GRM3: variants seen among roughly 807,000 people sequenced by gnomAD.
The protein encoded by GRM3 is glutamate metabotropic receptor 3.
GRM3 carries 26 observed loss-of-function variants against 70.5 expected under a neutral mutation model. The observed-to-expected ratio is 0.37, with a 90% CI of 0.27 to 0.51. The LOEUF is 0.51. Among genes scored for constraint, GRM3 ranks in the 20% least tolerant of loss-of-function variants. The probability of loss-of-function intolerance (pLI) is 0.93; values close to 1 mark genes in which losing one functional copy is unlikely to be tolerated. For synonymous variants in GRM3, 443 were observed against 434.9 expected (o/e 1.02, Z -0.23); for missense variants, 859 against 1,123.8 (o/e 0.76, Z 3.37).
chr7:86,686,200 CAT>C (rs1794563322), intron 1 of GRM3, among the ~76,000 whole-genome samples: 1 of 152,142 alleles, frequency 6.6e-6, no homozygotes, highest in Non-Finnish European at 1.5e-5. Context: ...TAAAGGAAGA[CAT>C]ATGCTTTCAG....
rs142461100 is a variant in GRM3, at chr7:86,834,509, A to G, written c.1325-4330A>G. Among the ~76,000 whole-genome samples, 295 of 151,756 alleles carry G rather than the reference A, an allele frequency of 1.9e-3. 4 individuals carry two copies. The East Asian group carries it at 0.042, about 21-fold the overall frequency. ...ATCTTGTGCCTACCTCATGGATGCA[A>G]TATCTTCACTTATCTCTCTTGAGCA... On this transcript the variant is annotated intron_variant, in intron 3 of 5. Transcript: ENST00000361669.
At chr7:86,802,691 C>G (rs1010102388) in intron 3 of GRM3, among the ~76,000 whole-genome samples, 1 of 151,696 alleles carries the variant, frequency 6.6e-6, no homozygotes, top group African/African-American at 2.4e-5. Flanking sequence ...TTCTCTCACT[C>G]TAATTACAAA....
intron 1 of GRM3, among the ~76,000 whole-genome samples, chr7:86,677,803 C>G (rs375598387): frequency 1.2e-4 from 18 of 151,684 alleles, no homozygotes; most frequent in Admixed American, 7.3e-4. Context: ...GAATGGGAAA[C>G]TAAGATTAAA....
At chr7:86,819,222 G>A (rs1284476352) in intron 3 of GRM3, among the ~76,000 whole-genome samples, 2 of 151,992 alleles carry the variant, frequency 1.3e-5, no homozygotes, top group African/African-American at 4.8e-5. Context: ...GTATGTCTTT[G>A]TGTGTGTGTG....
At chr7:86,676,254 GAA>G (rs934538381) in intron 1 of GRM3, among the ~76,000 whole-genome samples, 8 of 151,680 alleles carry the variant, frequency 5.3e-5, no homozygotes, top group Non-Finnish European at 1.2e-4. Flanking sequence ...ACAAGAACTA[GAA>G]AAAAATATCT....
At chr7:86,815,778 G>T (rs1219605730) in intron 3 of GRM3, among the ~76,000 whole-genome samples, 1 of 151,818 alleles carries the variant, frequency 6.6e-6, no homozygotes, top group Non-Finnish European at 1.5e-5. Flanking sequence ...ACTTTATCCT[G>T]TCTCCTTGTT....
intron 3 of GRM3, among the ~76,000 whole-genome samples, chr7:86,797,555 A>G (rs952890210): frequency 2.0e-5 from 3 of 152,212 alleles, no homozygotes; most frequent in Non-Finnish European, 2.9e-5. Context: ...TGTACTCACA[A>G]AGATATGTAT....
At chr7:86,754,955 T>C (rs1381345969) in intron 1 of GRM3, among the ~76,000 whole-genome samples, 1 of 152,144 alleles carries the variant, frequency 6.6e-6, no homozygotes, top group Non-Finnish European at 1.5e-5. Flanking sequence ...ATGCATTCTT[T>C]TAAGCCACTC....
chr7:86,840,897 G>A (rs1019697472), intron 4 of GRM3, among the ~76,000 whole-genome samples: 1 of 152,010 alleles, frequency 6.6e-6, no homozygotes, highest in African/African-American at 2.4e-5. Flanking sequence ...GAAAATTGCA[G>A]CCCAAAAAGA....
intron 3 of GRM3, among the ~76,000 whole-genome samples, chr7:86,819,483 A>C (rs972965280): frequency 2.0e-5 from 3 of 152,116 alleles, no homozygotes; most frequent in Non-Finnish European, 4.4e-5. Context: ...TGCTCCAAAG[A>C]CAATTTTGAA....
intron 2 of GRM3, among the ~76,000 whole-genome samples, chr7:86,770,540 G>T (rs1490846841): frequency 6.6e-6 from 1 of 152,062 alleles, no homozygotes; most frequent in African/African-American, 2.4e-5. Flanking sequence ...ACAGGTTTTA[G>T]CTATATGGGG....
At chr7:86,749,389 G>T (rs573006987) in intron 1 of GRM3, among the ~76,000 whole-genome samples, 1 of 151,990 alleles carries the variant, frequency 6.6e-6, no homozygotes, top group African/African-American at 2.4e-5. Context: ...GCTACATTTC[G>T]CAGGAATTGC....
chr7:86,716,666 A>G (rs1293802320), intron 1 of GRM3, among the ~76,000 whole-genome samples: 1 of 145,978 alleles, frequency 6.9e-6, no homozygotes, highest in East Asian at 2.1e-4. Context: ...CCAATTGGCC[A>G]CTATTCCAGT....
intron 1 of GRM3, among the ~76,000 whole-genome samples, chr7:86,731,767 C>T (rs1230013494): frequency 2.0e-5 from 3 of 152,070 alleles, no homozygotes; most frequent in Non-Finnish European, 2.9e-5. Context: ...ATTCAGCTGC[C>T]CCATGAGGAA....
At chr7:86,807,480 C>G (rs189066674) in intron 3 of GRM3, among the ~76,000 whole-genome samples, 86 of 150,978 alleles carry the variant, frequency 5.7e-4, no homozygotes, top group African/African-American at 1.9e-3. Flanking sequence ...AAGTTGGATT[C>G]CTAAGTATTT....
intron 1 of GRM3, among the ~76,000 whole-genome samples, chr7:86,708,520 C>A (rs139051431): frequency 4.5e-4 from 68 of 152,228 alleles, no homozygotes; most frequent in African/African-American, 1.5e-3. Flanking sequence ...GGAAGCTCAG[C>A]GTTGACAACA....
intron 1 of GRM3, among the ~76,000 whole-genome samples, chr7:86,675,601 A>C (rs1794286899): frequency 1.3e-5 from 2 of 152,074 alleles, no homozygotes; most frequent in African/African-American, 4.8e-5. Flanking sequence ...GTTAGGAATG[A>C]AGGTGAACTA....
chr7:86,846,012 T>C (rs1271159576), intron 4 of GRM3, among the ~76,000 whole-genome samples: 4 of 152,168 alleles, frequency 2.6e-5, no homozygotes, highest in African/African-American at 7.2e-5. Context: ...TGCTCTCTCA[T>C]CATGATAATA....
At chr7:86,794,957 A>G (rs993991895) in intron 3 of GRM3, among the ~76,000 whole-genome samples, 1 of 151,774 alleles carries the variant, frequency 6.6e-6, no homozygotes, top group Non-Finnish European at 1.5e-5. Flanking sequence ...TCAACCACCA[A>G]CTACAAAATC....
Sources: gnomAD v4.1 joint callset for allele counts (sites outside exome capture counted in the v4.1 genomes callset) on GRCh38, gnomAD v4.1.1 for gene constraint, MANE v1.5 for transcripts, NCBI Gene and HGNC (gene_info 2026-07-23, HGNC 2026-07-21) for gene names.